The following DDX39A variants were observed in gnomAD, a reference collection of about 807,000 sequenced individuals.
The protein encoded by DDX39A is ATP-dependent RNA helicase DDX39A.
A neutral mutation model predicts 46.3 loss-of-function variants in DDX39A; 13 were observed. The ratio of observed to expected loss-of-function variants is 0.28; its 90% CI spans 0.18 to 0.45. The LOEUF (loss-of-function observed/expected upper bound fraction) is 0.45. Among genes scored for constraint, DDX39A ranks in the 20% least tolerant of loss-of-function variants. DDX39A has a pLI of 1.00. For missense variants in DDX39A, 352 were observed against 581.8 expected (o/e 0.61, Z 4.06); for synonymous variants, 234 against 224.6 (o/e 1.04, Z -0.38).
In DDX39A at chr19:14,411,493, C is replaced by T; in HGVS notation, c.429+13G>A. 1 of 1,612,830 alleles carries T rather than the reference C, an allele frequency of 6.2e-7. No homozygotes were observed. Among genetic ancestry groups the T allele is most frequent in the East Asian group, 2.2e-5 (1 of 44,862 alleles). ...CAAGTGGCGCCTGGTCCAGTCTGGCCCGAGGGACTCACCTTGACGCTGGGC... is the reference window on the plus strand; with the variant it reads ...CAAGTGGCGCCTGGTCCAGTCTGGCTCGAGGGACTCACCTTGACGCTGGGC... On this transcript the variant is annotated intron_variant, in intron 4 of 10. Coordinates refer to ENST00000242776, the MANE Select transcript of DDX39A (RefSeq NM_005804.4). This position sits in a 1 kb window ranked among gnomAD's most constrained non-coding sequence, Gnocchi z 4.1.
At position 14,410,977 on chromosome 19, in the gene DDX39A, C is replaced by G; in HGVS notation, c.613+12G>C. On this transcript the variant is annotated intron_variant, in intron 5 of 10. Transcript: ENST00000242776. The surrounding 1 kb of genome is among the most constrained non-coding windows in gnomAD (Gnocchi z 4.3). ...TGACTCTCAGCTGGGGCTGCAAGGG[C>G]AGAGGACTCACCCAGCTGCTCCAGC... 6.4e-7 allele frequency: 1 copy of G among 1,552,474 alleles called. No individual in the cohort carries two copies.
Position 14,412,760 on chromosome 19 carries a change from A to G in DDX39A, c.209-82T>C. ...CCTCACCAGTTGACCGGGGGCCCAC[A>G]GTGAGGGCAATCAGAAGAGGCCGAG... On this transcript the variant is annotated intron_variant, in intron 2 of 10. Coordinates refer to ENST00000242776, the MANE Select transcript of DDX39A (RefSeq NM_005804.4). The surrounding 1 kb of genome is among the most constrained non-coding windows in gnomAD (Gnocchi z 4.4). 6.6e-7 allele frequency: 1 copy of G among 1,523,280 alleles called. No individual in the cohort carries two copies. Among genetic ancestry groups the G allele is most frequent in the South Asian group, 1.2e-5 (1 of 80,722 alleles). 94.4% of individuals were successfully genotyped at this position (1,523,280 alleles called of 1,614,324 possible).
At position 14,414,325 on chromosome 19, in the gene DDX39A, T is replaced by TTTTTTTA. The variant is rs1395863016; in HGVS notation, c.-4-1102_-4-1101insTAAAAAA. Among the ~76,000 whole-genome samples, 386 of 133,518 alleles carry TTTTTTTA rather than the reference T, an allele frequency of 2.9e-3. 1 individual carries two copies. The highest frequency in any genetic ancestry group is 9.9e-3 in the African/African-American group (350 of 35,320). 87.6% of individuals were successfully genotyped at this position (133,518 alleles called of 152,430 possible). A position where few individuals can be genotyped will look rare whatever the true frequency, so the allele number is the denominator to read the frequency against. On this transcript the variant is annotated intron_variant, in intron 1 of 10. Coordinates refer to ENST00000242776, the MANE Select transcript of DDX39A (RefSeq NM_005804.4). The stretch of plus-strand genomic sequence containing the variant: ...CTGGCCCCAAGCTGCTATCACCTGT[T>TTTTTTTA]TTATTATTATTATTATTATTATTAT...
Position 14,409,254 on chromosome 19 carries a change from GC to G in DDX39A, c.1119+48del, listed in dbSNP as rs781680973. The G allele has an allele frequency of 4.7e-5, 76 of 1,612,928 alleles. No individual in the cohort carries two copies. The highest frequency in any genetic ancestry group is 6.0e-5 in the Non-Finnish European group (71 of 1,179,092). On this transcript the variant is annotated intron_variant, in intron 9 of 10. Transcript: ENST00000242776. The surrounding 1 kb of genome is among the most constrained non-coding windows in gnomAD (Gnocchi z 8.3). ...GGACTTGAGGAAAAGCAGGGCTGGG[GC>G]CCCACCCCACCGCCAGGGGAAAGCA...
chr19:14,410,897 C>T lies in DDX39A; in HGVS notation c.613+92G>A, dbSNP rs1652150797. On this transcript the variant is annotated intron_variant, in intron 5 of 10. Transcript: ENST00000242776. The surrounding 1 kb of genome is among the most constrained non-coding windows in gnomAD (Gnocchi z 4.3). ...CACCACAGGAGCCCCGCCTGCCGGC[C>T]GCCCATGTAACCCACTCAAGAGCCT... The T allele has an allele frequency of 8.2e-6, 10 of 1,222,634 alleles. 1 individual carries two copies. In the Admixed American group the frequency reaches 1.2e-4, roughly 14 times the overall value. The allele number at this position is 1,222,634 out of a possible 1,614,324, so 75.7% of individuals were successfully genotyped here.
chr19:14,413,493 C>T (rs1298926174), intron 1 of DDX39A, among the ~76,000 whole-genome samples: 1 of 152,052 alleles, frequency 6.6e-6, no homozygotes, highest in Non-Finnish European at 1.5e-5. Context: ...ACTCTCACCA[C>T]AGGCCAGGCA....
In DDX39A at chr19:14,410,815, C is replaced by T. The variant is rs901423632; in HGVS notation, c.613+174G>A. ...CTTGCTTGGGCCCCGTGGTCCCATT[C>T]GGCTCGGGCTCAGAAACAGCACATC... On this transcript the variant is annotated intron_variant, in intron 5 of 10. Transcript: ENST00000242776. The surrounding 1 kb of genome is among the most constrained non-coding windows in gnomAD (Gnocchi z 4.3). 11 of 620,184 alleles carry T rather than the reference C, an allele frequency of 1.8e-5. No individual in the cohort carries two copies. Among genetic ancestry groups the T allele is most frequent in the Non-Finnish European group, 2.7e-5 (10 of 373,410 alleles). The allele number at this position is 620,184 out of a possible 1,614,324, so 38.4% of individuals were successfully genotyped here.
At chr19:14,413,258 G>A (rs1331951834) in intron 1 of DDX39A, 34 bp from the exon 2 acceptor site, 5 of 1,576,444 alleles carry the variant, frequency 3.2e-6, no homozygotes, top group African/African-American at 1.4e-5. Flanking sequence ...CCCGCGAGTG[G>A]GCACAGAAGG....
chr19:14,416,394 G>A (rs1335240962), intron 1 of DDX39A: 1 of 151,864 alleles, frequency 6.6e-6, no homozygotes, highest in East Asian at 1.9e-4. Context: ...ACCGCTTCCA[G>A]TCAGCCCTGC....
intron 1 of DDX39A, among the ~76,000 whole-genome samples, chr19:14,417,073 A>C (rs998397704): frequency 6.6e-6 from 1 of 152,156 alleles, no homozygotes; most frequent in African/African-American, 2.4e-5. Context: ...AGAGTACTGT[A>C]ACTTACTCCT....
Position 14,411,087 on chromosome 19 carries a change from G to A in DDX39A, c.515C>T (p.Pro172Leu). ...CCGCACGAGCGCCAGGATGCGGCCC[G>A]GGGTCCCCACCACGACATGGGGACA... ...KNCPHVVVGT[P>L]GRILALVRNR... Residue 172 changes from proline to leucine, a missense_variant, in exon 5 of 11, where the codon CCG becomes CTG. Transcript: ENST00000242776. This position sits in a 1 kb window ranked among gnomAD's most constrained non-coding sequence, Gnocchi z 4.1. The A allele has an allele frequency of 6.2e-7, 1 of 1,611,942 alleles. No individual in the cohort carries two copies.
intron 1 of DDX39A, among the ~76,000 whole-genome samples, chr19:14,414,548 A>G (rs1398125597): frequency 2.7e-5 from 4 of 149,422 alleles, no homozygotes; most frequent in Non-Finnish European, 5.9e-5. Flanking sequence ...ACAGGGTTTC[A>G]CCATGTTGGT....
Position 14,410,608 on chromosome 19 carries a change from G to A in DDX39A, c.614-274C>T. The stretch of plus-strand genomic sequence containing the variant: ...AGCCACGCTTCAGGGAGGGGAGCCT[G>A]AGGCAGAGACAGCCGCTGGGGTGAG... On this transcript the variant is annotated intron_variant, in intron 5 of 10. Coordinates refer to ENST00000242776, the MANE Select transcript of DDX39A (RefSeq NM_005804.4). The surrounding 1 kb of genome is among the most constrained non-coding windows in gnomAD (Gnocchi z 4.3). 2 of 532,548 alleles carry A rather than the reference G, an allele frequency of 3.8e-6. No homozygotes were observed. The highest frequency in any genetic ancestry group is 3.3e-5 in the East Asian group (1 of 30,250). The allele number at this position is 532,548 out of a possible 1,614,324, so 33.0% of individuals were successfully genotyped here.
chr19:14,411,211 C>G lies in DDX39A; in HGVS notation c.430-39G>C, dbSNP rs373993765. ...GAGGAAACCGCTCCATGCTGATACA[C>G]GGCCCAAGGCCCCAACCTGCACGGC... On this transcript the variant is annotated intron_variant, in intron 4 of 10. Coordinates refer to ENST00000242776, the MANE Select transcript of DDX39A (RefSeq NM_005804.4). The surrounding 1 kb of genome is among the most constrained non-coding windows in gnomAD (Gnocchi z 4.1). The G allele has an allele frequency of 9.0e-5, 138 of 1,532,902 alleles. No homozygotes were observed. In the Middle Eastern group the frequency reaches 9.1e-4, roughly 10 times the overall value. The allele number at this position is 1,532,902 out of a possible 1,614,324, so 95.0% of individuals were successfully genotyped here.
chr19:14,411,071 C>G lies in DDX39A; in HGVS notation c.531G>C (p.Ala177=), dbSNP rs775009962. 1 of 1,612,864 alleles carries G rather than the reference C, an allele frequency of 6.2e-7. No individual in the cohort carries two copies. The highest frequency in any genetic ancestry group is 2.2e-5 in the East Asian group (1 of 44,840). The change falls in exon 5 of 11, where the codon GCG becomes GCC. Residue 177 remains alanine (A), a synonymous_variant. Transcript: ENST00000242776. The surrounding 1 kb of genome is among the most constrained non-coding windows in gnomAD (Gnocchi z 4.1). ...VVVGTPGRIL[A]LVRNRSFSLK... is the part of the protein sequence containing the mutation. Reference sequence around the variant, plus strand: ...GGCTGAAGCTCCTATTCCGCACGAGCGCCAGGATGCGGCCCGGGGTCCCCA... The same window carrying G: ...GGCTGAAGCTCCTATTCCGCACGAGGGCCAGGATGCGGCCCGGGGTCCCCA...
intron 1 of DDX39A, chr19:14,418,975 C>G (rs1194071534): frequency 2.2e-6 from 1 of 456,250 alleles, no homozygotes; most frequent in Admixed American, 2.3e-5. Flanking sequence ...GGGGTCTATT[C>G]GGACGAACTG....
In DDX39A at chr19:14,409,558, G is replaced by A. The variant is rs1457138047; in HGVS notation, c.952C>T (p.Arg318Trp). ...CACCGCTCCTCCTGGGCCATGCCCC[G>A]GTGGATGGCGATGGCCGGGAAGTTC... The part of the protein sequence containing the change: ...EQNFPAIAIH[R>W]GMAQEERLSR... Residue 318 changes from arginine (R) to tryptophan (W), a missense_variant, in exon 8 of 11, where the codon CGG (arginine) becomes TGG (tryptophan). Physicochemically the swap from Arg to Trp is moderately radical, Grantham distance 101. This residue lies in a region of DDX39A where 301 missense variants were observed against 469.9 expected (regional missense o/e 0.64). Transcript: ENST00000242776. This position sits in a 1 kb window ranked among gnomAD's most constrained non-coding sequence, Gnocchi z 8.3. 1.2e-6 allele frequency: 2 copies of A among 1,610,162 alleles called. No homozygotes were observed. The highest frequency in any genetic ancestry group is 8.5e-7 in the Non-Finnish European group (1 of 1,178,920).
At position 14,410,604 on chromosome 19, in the gene DDX39A, G is replaced by T; in HGVS notation, c.614-270C>A. ...CTCGAGCCACGCTTCAGGGAGGGGA[G>T]CCTGAGGCAGAGACAGCCGCTGGGG... On this transcript the variant is annotated intron_variant, in intron 5 of 10. Transcript: ENST00000242776. The surrounding 1 kb of genome is among the most constrained non-coding windows in gnomAD (Gnocchi z 4.3). The T allele has an allele frequency of 3.8e-6, 2 of 532,024 alleles. No individual in the cohort carries two copies. Among genetic ancestry groups the T allele is most frequent in the South Asian group, 4.1e-5 (2 of 49,316 alleles). 33.0% of individuals were successfully genotyped at this position (532,024 alleles called of 1,614,324 possible).
At chr19:14,416,842 C>T (rs1398333937) in intron 1 of DDX39A, among the ~76,000 whole-genome samples, 2 of 152,130 alleles carry the variant, frequency 1.3e-5, no homozygotes, top group East Asian at 1.9e-4. Context: ...CATGCCACCA[C>T]GCCTGGCTAA....
Sources: gnomAD v4.1 joint callset for allele counts (sites outside exome capture counted in the v4.1 genomes callset) on GRCh38, gnomAD v4.1.1 for gene constraint, gnomAD v4.1.1 regional missense constraint, Gnocchi (gnomAD v3.1) non-coding constraint, MANE v1.5 for transcripts, NCBI Gene and HGNC (gene_info 2026-07-23, HGNC 2026-07-21) for gene names.